The following PRRT3 variants were observed in gnomAD, a reference collection of about 807,000 sequenced individuals.
The protein encoded by PRRT3 is proline rich transmembrane protein 3.
A neutral mutation model predicts 56.6 loss-of-function variants in PRRT3; 48 were observed. The ratio of observed to expected loss-of-function variants is 0.85; its 90% confidence interval spans 0.67 to 1.08. The LOEUF (loss-of-function observed/expected upper bound fraction) is 1.08. Among genes scored for constraint, PRRT3 ranks in the 50% least tolerant of loss-of-function variants. The pLI is 0.00. For synonymous variants in PRRT3, 641 were observed against 619.1 expected, an observed-to-expected ratio of 1.04 and a Z score of -0.52; for missense variants, 1,370 against 1,353.1, an observed-to-expected ratio of 1.01 and a Z score of -0.20.
In PRRT3 at chr3:9,946,511, C is replaced by T. The variant is rs760629304; in HGVS notation, c.2662G>A (p.Val888Ile). ...GCTGCCCCGTCGGGTGCTTCCACTACGTGCTGTGGGACCGGCCCGCGCACG... is the reference window on the plus strand; with the variant it reads ...GCTGCCCCGTCGGGTGCTTCCACTATGTGCTGTGGGACCGGCCCGCGCACG... ...VRVRGPVPQH[V>I]VEAPDGAAAA... The change falls in exon 4 of 4, where the codon GTA (valine) becomes ATA (isoleucine). Residue 888 changes from valine (V) to isoleucine (I), a missense_variant. Coordinates refer to ENST00000412055, the MANE Select transcript of PRRT3 (RefSeq NM_207351.5). The surrounding 1 kb of genome is among the most constrained non-coding windows in gnomAD (Gnocchi z 4.1). The T allele has an allele frequency of 2.6e-5, 40 of 1,523,058 alleles. No homozygotes were observed. In the South Asian group the frequency reaches 4.7e-4, roughly 18 times the overall value. 94.3% of individuals were successfully genotyped at this position (1,523,058 alleles called of 1,614,324 possible). A position where few individuals can be genotyped will look rare whatever the true frequency, so the allele number is the denominator to read the frequency against.
Position 9,946,012 on chromosome 3 carries a change from G to T in PRRT3, c.*215C>A. On this transcript the variant is annotated 3_prime_UTR_variant, in exon 4 of 4. Coordinates refer to ENST00000412055, the MANE Select transcript of PRRT3 (RefSeq NM_207351.5). This position sits in a 1 kb window ranked among gnomAD's most constrained non-coding sequence, Gnocchi z 4.1. ...CCTGGCTAATTTTTTTGTATTTTTA[G>T]TAGAGACGAGGGTTTCGCTATGTTC... is the stretch of plus-strand genomic sequence containing the variant. 1.5e-6 allele frequency: 1 copy of T among 651,218 alleles called. No homozygotes were observed. Among genetic ancestry groups the T allele is most frequent in the Non-Finnish European group, 2.4e-6 (1 of 413,360 alleles). The allele number at this position is 651,218 out of a possible 1,614,324, so 40.3% of individuals were successfully genotyped here. A position where few individuals can be genotyped will look rare whatever the true frequency, so the allele number is the denominator to read the frequency against.
Position 9,948,772 on chromosome 3 carries a change from C to T in PRRT3, c.1157G>A (p.Gly386Glu), listed in dbSNP as rs765844429. 3 of 1,613,866 alleles carry T rather than the reference C, an allele frequency of 1.9e-6. No individual in the cohort carries two copies. Among genetic ancestry groups the T allele is most frequent in the African/African-American group, 1.3e-5 (1 of 74,926 alleles). Residue 386 changes from glycine (G) to glutamate (E), a missense_variant, in exon 3 of 4, where the codon GGG becomes GAG. Transcript: ENST00000412055. ...CATGCTCTCACCTGGCTGCAGGGCCCCCATGGGGCTCTCTGTTCGGTTTAC... is the reference window on the plus strand; with the variant it reads ...CATGCTCTCACCTGGCTGCAGGGCCTCCATGGGGCTCTCTGTTCGGTTTAC... The part of the protein sequence containing the change: ...PAVNRTESPM[G>E]ALQPDEAEEW...
rs2085513318 is a variant in PRRT3 at position 9,946,174 on chromosome 3, G to A, written c.*53C>T. The A allele has an allele frequency of 3.8e-6, 6 of 1,573,744 alleles. No homozygotes were observed. The highest frequency in any genetic ancestry group is 4.3e-6 in the Non-Finnish European group (5 of 1,158,976). On this transcript the variant is annotated 3_prime_UTR_variant, in exon 4 of 4. Coordinates refer to ENST00000412055, the MANE Select transcript of PRRT3 (RefSeq NM_207351.5). The surrounding 1 kb of genome is among the most constrained non-coding windows in gnomAD (Gnocchi z 4.1). The stretch of plus-strand genomic sequence containing the variant: ...TTTAAAGGCTCAACTGTCCCAGTAG[G>A]CCATGCCATGTGGGCATCGGGCAGG...
chr3:9,952,173 C>CCT (rs1007005363), intron 1 of PRRT3, 149 bp downstream of exon 1: 4 of 154,992 alleles, frequency 2.6e-5, no homozygotes, highest in African/African-American at 9.6e-5. Flanking sequence ...TCCTCCGTCT[C>CCT]CTCTCTCCCT....
chr3:9,948,376 C>G (rs1016404800), intron 3 of PRRT3: 2 of 371,374 alleles, frequency 5.4e-6, no homozygotes, highest in Non-Finnish European at 9.5e-6. Flanking sequence ...GTCATCCAGG[C>G]TGGTGTGCAG....
At chr3:9,948,503 A>AT (rs936501606) in intron 3 of PRRT3, 10 of 509,052 alleles carry the variant, frequency 2.0e-5, no homozygotes, top group African/African-American at 5.9e-5. Context: ...ATTTTTATAT[A>AT]TTTTTTTTGT....
Position 9,946,304 on chromosome 3 carries a change from C to A in PRRT3, c.2869G>T (p.Asp957Tyr). ...CGCGGCTGGACCTCTCCCTGGCCGT[C>A]CCCCTGCCGAGCGGCGGTAGAATCA... ...APDSTAARQG[D>Y]GQGEVQPRGK... Residue 957 changes from aspartate to tyrosine, a missense_variant, in exon 4 of 4, where the codon GAC becomes TAC. Coordinates refer to ENST00000412055, the MANE Select transcript of PRRT3 (RefSeq NM_207351.5). This position sits in a 1 kb window ranked among gnomAD's most constrained non-coding sequence, Gnocchi z 4.1. 2 of 1,612,764 alleles carry A rather than the reference C, an allele frequency of 1.2e-6. No homozygotes were observed. Among genetic ancestry groups the A allele is most frequent in the Non-Finnish European group, 1.7e-6 (2 of 1,179,846 alleles).
intron 1 of PRRT3, among the ~76,000 whole-genome samples, chr3:9,950,958 A>G (rs1029632035): frequency 6.6e-6 from 1 of 152,144 alleles, no homozygotes; most frequent in Non-Finnish European, 1.5e-5. Flanking sequence ...TTTTCCCATC[A>G]GTAAAATGGG....
rs2085574888 is a variant in PRRT3, at chr3:9,949,016, T to C, written c.1015+85A>G. ...ACCTCATTTGCCACAAAGAGGAAAA[T>C]GAGACCTAGAGGGACCCAGGGTCAA... is the stretch of plus-strand genomic sequence containing the variant. On this transcript the variant is annotated intron_variant, in intron 2 of 3. Transcript: ENST00000412055. This position sits in a 1 kb window ranked among gnomAD's most constrained non-coding sequence, Gnocchi z 4.5. The C allele has an allele frequency of 6.6e-7, 1 of 1,516,296 alleles. No individual in the cohort carries two copies. Among genetic ancestry groups the C allele is most frequent in the African/African-American group, 1.4e-5 (1 of 71,774 alleles). 93.9% of individuals were successfully genotyped at this position (1,516,296 alleles called of 1,614,324 possible).
Position 9,946,886 on chromosome 3 carries a change from G to T in PRRT3, c.2287C>A (p.Gln763Lys). 6.5e-7 allele frequency: 1 copy of T among 1,539,392 alleles called. No individual in the cohort carries two copies. The highest frequency in any genetic ancestry group is 8.7e-7 in the Non-Finnish European group (1 of 1,148,228). ...GCGCCTGAACTGGGCGTGGCCAGCT[G>T]CCCACTCTCCGCCGGGTTGCGGATG... Reference protein sequence around the residue: ...SLIRNPAESGQLATPSSGAWG... With the variant: ...SLIRNPAESGKLATPSSGAWG... The change falls in exon 4 of 4, where the codon CAG becomes AAG. Residue 763 changes from glutamine to lysine, a missense_variant. Coordinates refer to ENST00000412055, the MANE Select transcript of PRRT3 (RefSeq NM_207351.5). This position sits in a 1 kb window ranked among gnomAD's most constrained non-coding sequence, Gnocchi z 4.1.
Position 9,946,772 on chromosome 3 carries a change from C to T in PRRT3, c.2401G>A (p.Glu801Lys), listed in dbSNP as rs746324649. The T allele has an allele frequency of 1.7e-5, 26 of 1,543,532 alleles. No individual in the cohort carries two copies. Among genetic ancestry groups the T allele is most frequent in the Non-Finnish European group, 2.3e-5 (26 of 1,153,556 alleles). The change falls in exon 4 of 4, where the codon GAG (glutamate) becomes AAG (lysine). Residue 801 changes from glutamate (E) to lysine (K), a missense_variant. Physicochemically the swap from Glu to Lys is moderately conservative, Grantham distance 56 (BLOSUM62 1). Coordinates refer to ENST00000412055, the MANE Select transcript of PRRT3 (RefSeq NM_207351.5). This position sits in a 1 kb window ranked among gnomAD's most constrained non-coding sequence, Gnocchi z 4.1. Reference sequence around the variant, plus strand: ...GGCGATGGCGGCCGCAGATCCAGCTCGCTCAGCGATGGCGCCGGTCCCACA... The same window carrying T: ...GGCGATGGCGGCCGCAGATCCAGCTTGCTCAGCGATGGCGCCGGTCCCACA... The part of the protein sequence containing the change: ...NGVGPAPSLS[E>K]LDLRPPSPIN...
rs778056631 is a variant in PRRT3, at chr3:9,947,655, G to A, written c.1518C>T (p.Ala506=). The change falls in exon 4 of 4, where the codon GCC becomes GCT. Residue 506 remains alanine, a synonymous_variant. Coordinates refer to ENST00000412055, the MANE Select transcript of PRRT3 (RefSeq NM_207351.5). This position sits in a 1 kb window ranked among gnomAD's most constrained non-coding sequence, Gnocchi z 9.2. ...APAGPRLALV[A]AVLVLVASAL... ...CCGAAGCCACGAGCACCAGCACCGC[G>A]GCCACCAATGCCAGCCGGGGCCCTG... 7.6e-6 allele frequency: 12 copies of A among 1,570,962 alleles called. No homozygotes were observed. Among genetic ancestry groups the A allele is most frequent in the South Asian group, 3.5e-5 (3 of 85,270 alleles).
At position 9,946,052 on chromosome 3, in the gene PRRT3, G is replaced by A; in HGVS notation, c.*175C>T. 2 of 953,990 alleles carry A rather than the reference G, an allele frequency of 2.1e-6. No homozygotes were observed. The highest frequency in any genetic ancestry group is 3.0e-6 in the Non-Finnish European group (2 of 669,796). 59.1% of individuals were successfully genotyped at this position (953,990 alleles called of 1,614,324 possible). ...TCGCTATGTTCGAGACCAGGAGGCT[G>A]ATCTCGAACTCCTGACCTCGTGTTC... is the stretch of plus-strand genomic sequence containing the variant. On this transcript the variant is annotated 3_prime_UTR_variant, in exon 4 of 4. Transcript: ENST00000412055. This position sits in a 1 kb window ranked among gnomAD's most constrained non-coding sequence, Gnocchi z 4.1.
intron 1 of PRRT3, 34 bp from the exon 2 acceptor site, chr3:9,950,206 AGGGCT>A: frequency 8.4e-7 from 1 of 1,189,262 alleles, no homozygotes; most frequent in East Asian, 3.0e-5. Flanking sequence ...ATGACATGTG[AGGGCT>A]GGGGGCCCCC....
intron 3 of PRRT3, 71 bp from the exon 4 acceptor site, chr3:9,948,072 T>A: frequency 1.3e-5 from 17 of 1,263,362 alleles, no homozygotes; most frequent in Non-Finnish European, 1.7e-5. Context: ...TCTAGTGTGG[T>A]TGGCAAGTCA....
At chr3:9,950,878 C>T (rs1004706329) in intron 1 of PRRT3, among the ~76,000 whole-genome samples, 1 of 152,142 alleles carries the variant, frequency 6.6e-6, no homozygotes, top group Non-Finnish European at 1.5e-5. Context: ...CGGCCTTTGG[C>T]GAGGGGCCTG....
Position 9,946,769 on chromosome 3 carries a change from G to C in PRRT3, c.2404C>G (p.Leu802Val). 1.9e-6 allele frequency: 3 copies of C among 1,542,788 alleles called. No homozygotes were observed. The highest frequency in any genetic ancestry group is 1.8e-4 in the Middle Eastern group (1 of 5,454). ...GVGPAPSLSE[L>V]DLRPPSPINL... ...ATGGGCGATGGCGGCCGCAGATCCA[G>C]CTCGCTCAGCGATGGCGCCGGTCCC... The change falls in exon 4 of 4, where the codon CTG (leucine) becomes GTG (valine). Residue 802 changes from leucine (L) to valine (V), a missense_variant. Leu to Val is a conservative substitution (Grantham distance 32). Coordinates refer to ENST00000412055, the MANE Select transcript of PRRT3 (RefSeq NM_207351.5). The surrounding 1 kb of genome is among the most constrained non-coding windows in gnomAD (Gnocchi z 4.1).
In PRRT3 at chr3:9,946,065, T is replaced by C. The variant is rs1048886025; in HGVS notation, c.*162A>G. On this transcript the variant is annotated 3_prime_UTR_variant, in exon 4 of 4. Coordinates refer to ENST00000412055, the MANE Select transcript of PRRT3 (RefSeq NM_207351.5). The surrounding 1 kb of genome is among the most constrained non-coding windows in gnomAD (Gnocchi z 4.1). ...GACCAGGAGGCTGATCTCGAACTCC[T>C]GACCTCGTGTTCCACCCACCTCGGC... 4.7e-5 allele frequency: 51 copies of C among 1,079,674 alleles called. No homozygotes were observed. Among genetic ancestry groups the C allele is most frequent in the Admixed American group, 6.2e-5 (2 of 32,008 alleles). 66.9% of individuals were successfully genotyped at this position (1,079,674 alleles called of 1,614,324 possible).
Position 9,947,603 on chromosome 3 carries a change from C to G in PRRT3, c.1570G>C (p.Asp524His). 5 of 1,601,018 alleles carry G rather than the reference C, an allele frequency of 3.1e-6. No individual in the cohort carries two copies. Among genetic ancestry groups the G allele is most frequent in the Non-Finnish European group, 4.3e-6 (5 of 1,173,880 alleles). Reference sequence around the variant, plus strand: ...AGCCGCGCCTGCGAGCCGTAAGGGTCGGTAAGCATGTAGGCGGATCGCAGC... The same window carrying G: ...AGCCGCGCCTGCGAGCCGTAAGGGTGGGTAAGCATGTAGGCGGATCGCAGC... ...SALRSAYMLT[D>H]PYGSQARLGV... Residue 524 changes from aspartate to histidine, a missense_variant, in exon 4 of 4, where the codon GAC becomes CAC. Transcript: ENST00000412055. The surrounding 1 kb of genome is among the most constrained non-coding windows in gnomAD (Gnocchi z 9.2).
Sources: gnomAD v4.1 joint callset for allele counts (sites outside exome capture counted in the v4.1 genomes callset) on GRCh38, gnomAD v4.1.1 for gene constraint, Gnocchi (gnomAD v3.1) non-coding constraint, MANE v1.5 for transcripts, NCBI Gene and HGNC (gene_info 2026-07-23, HGNC 2026-07-21) for gene names.